The following TNIK variants were observed in gnomAD, a reference collection of about 807,000 sequenced individuals.
The protein encoded by TNIK is TRAF2 and NCK-interacting protein kinase.
In TNIK, 49 loss-of-function variants were observed where a neutral mutation model predicts 191.3. The ratio of observed to expected loss-of-function variants is 0.26; its 90% CI spans 0.20 to 0.32. The LOEUF is 0.32. TNIK is among the 10% of genes least tolerant of loss of function. TNIK has a pLI of 1.00. For synonymous variants in TNIK, 594 were observed against 600.9 expected, an observed-to-expected ratio of 0.99 and a Z score of 0.17; for missense variants, 1,155 against 1,702.3, an observed-to-expected ratio of 0.68 and a Z score of 5.66.
chr3:171,343,150 C>A (rs1380022145), intron 2 of TNIK, among the ~76,000 whole-genome samples: 2 of 152,168 alleles, frequency 1.3e-5, no homozygotes, highest in East Asian at 3.9e-4. Context: ...TAACTCCCCA[C>A]TTCTTAGCTG....
chr3:171,258,093 G>A (rs1174655750), intron 2 of TNIK, among the ~76,000 whole-genome samples: 1 of 152,144 alleles, frequency 6.6e-6, no homozygotes, highest in African/African-American at 2.4e-5. Context: ...GCGATCTCAT[G>A]AAGAATAATG....
intron 2 of TNIK, among the ~76,000 whole-genome samples, chr3:171,273,965 G>C (rs1749427560): frequency 6.6e-6 from 1 of 152,194 alleles, no homozygotes; most frequent in Non-Finnish European, 1.5e-5. Flanking sequence ...ATTAAGCACT[G>C]TCACCCCAAT....
chr3:171,220,433 C>A (rs1473688563), intron 3 of TNIK, among the ~76,000 whole-genome samples: 4 of 152,068 alleles, frequency 2.6e-5, no homozygotes, highest in Non-Finnish European at 5.9e-5. Context: ...CTTCCCAAGT[C>A]ATTAAATAGA....
intron 27 of TNIK, among the ~76,000 whole-genome samples, chr3:171,081,743 A>G (rs1720713086): frequency 6.7e-6 from 1 of 150,014 alleles, no homozygotes; most frequent in African/African-American, 2.5e-5. Flanking sequence ...TCAGAAAGCT[A>G]CAGAGCATAG....
chr3:171,319,520 AAG>A (rs984049116), intron 2 of TNIK, among the ~76,000 whole-genome samples: 2 of 152,160 alleles, frequency 1.3e-5, no homozygotes, highest in African/African-American at 2.4e-5. Context: ...GGGAAAAAAA[AAG>A]AGTTTCAGAG....
intron 2 of TNIK, among the ~76,000 whole-genome samples, chr3:171,367,506 C>T (rs909408546): frequency 6.6e-6 from 1 of 151,916 alleles, no homozygotes; most frequent in Non-Finnish European, 1.5e-5. Context: ...GTCCCACTCT[C>T]TCGCCCAGAC....
intron 2 of TNIK, among the ~76,000 whole-genome samples, chr3:171,264,107 C>CAT (rs1748072550): frequency 1.4e-4 from 8 of 58,274 alleles, no homozygotes; most frequent in African/African-American, 5.1e-4. Flanking sequence ...CACACACACA[C>CAT]ACACATATAT....
At chr3:171,165,325 A>G (rs1396490970) in intron 10 of TNIK, among the ~76,000 whole-genome samples, 4 of 150,558 alleles carry the variant, frequency 2.7e-5, no homozygotes, top group Non-Finnish European at 4.4e-5. Flanking sequence ...GCTCATGCCT[A>G]TAATCCCAGC....
At chr3:171,247,864 C>T (rs192724530) in intron 2 of TNIK, among the ~76,000 whole-genome samples, 7 of 151,540 alleles carry the variant, frequency 4.6e-5, no homozygotes, top group South Asian at 2.1e-4. Context: ...CAGGGACAGA[C>T]ATCAGTTTGT....
rs545393188 is a variant in TNIK, at chr3:171,213,530, G to A, written c.181-2289C>T. On this transcript the variant is annotated intron_variant, in intron 3 of 32. Coordinates refer to ENST00000436636, the MANE Select transcript of TNIK (RefSeq NM_015028.4). ...GGGTGATGTGGGAAAGACAGGGGAGGGGGGGACTGCCTATAAAAAGCTCAC... is the reference window on the plus strand; with the variant it reads ...GGGTGATGTGGGAAAGACAGGGGAGAGGGGGACTGCCTATAAAAAGCTCAC... Among the ~76,000 whole-genome samples, 122 of 151,772 alleles carry A rather than the reference G, an allele frequency of 8.0e-4. 1 individual carries two copies. Among genetic ancestry groups the A allele is most frequent in the Non-Finnish European group, 1.6e-3 (106 of 67,726 alleles).
In TNIK at chr3:171,082,236, A is replaced by G; in HGVS notation, c.3313+15T>C. On this transcript the variant is annotated intron_variant, in intron 27 of 32. Coordinates refer to ENST00000436636, the MANE Select transcript of TNIK (RefSeq NM_015028.4). ...GCTGTATGGACCTGGGGGACTCATC[A>G]TCTTAGTAACATACCTGAAATTGTC... The G allele has an allele frequency of 6.2e-7, 1 of 1,610,338 alleles. No individual in the cohort carries two copies. The highest frequency in any genetic ancestry group is 8.5e-7 in the Non-Finnish European group (1 of 1,178,188).
intron 7 of TNIK, among the ~76,000 whole-genome samples, chr3:171,186,789 C>G (rs1181451260): frequency 2.6e-5 from 4 of 152,204 alleles, no homozygotes; most frequent in African/African-American, 9.6e-5. Context: ...GCATGACGAC[C>G]TCTGTGGCTA....
At chr3:171,387,916 T>G (rs116172471) in intron 1 of TNIK, among the ~76,000 whole-genome samples, 1 of 150,516 alleles carries the variant, frequency 6.6e-6, no homozygotes, top group African/African-American at 2.5e-5. Flanking sequence ...GGTTCAGAAC[T>G]TGGACTCCAA....
intron 2 of TNIK, among the ~76,000 whole-genome samples, chr3:171,231,145 A>T (rs1358469112): frequency 1.3e-5 from 2 of 152,230 alleles, no homozygotes; most frequent in Non-Finnish European, 2.9e-5. Context: ...AGCCCATGGT[A>T]CTGGCTCAAG....
chr3:171,441,735 T>C (rs1726836529), intron 1 of TNIK, among the ~76,000 whole-genome samples: 1 of 152,210 alleles, frequency 6.6e-6, no homozygotes, highest in African/African-American at 2.4e-5. Context: ...AAACTGTTTT[T>C]CAAAGTGGCT....
chr3:171,128,669 T>C (rs774799937), intron 16 of TNIK, 45 bp downstream of exon 16: 3 of 1,565,852 alleles, frequency 1.9e-6, no homozygotes, highest in East Asian at 4.5e-5. Context: ...TAGGTTTTCT[T>C]GTGCAACTTA....
intron 1 of TNIK, among the ~76,000 whole-genome samples, chr3:171,385,769 C>T (rs1286383189): frequency 6.6e-6 from 1 of 152,176 alleles, no homozygotes; most frequent in Non-Finnish European, 1.5e-5. Context: ...AATCCTATCA[C>T]TTATAGGACA....
chr3:171,348,472 C>T (rs1273969565), intron 2 of TNIK, among the ~76,000 whole-genome samples: 2 of 152,010 alleles, frequency 1.3e-5, no homozygotes, highest in African/African-American at 2.4e-5. Flanking sequence ...GGCCAACGAA[C>T]GTATCCATTA....
At chr3:171,069,529 T>C (rs1355624228) in intron 29 of TNIK, among the ~76,000 whole-genome samples, 1 of 152,210 alleles carries the variant, frequency 6.6e-6, no homozygotes, top group Non-Finnish European at 1.5e-5. Flanking sequence ...TTTCTCTTAA[T>C]GTTGGAATCT....
Sources: allele counts gnomAD v4.1 joint callset (sites outside exome capture counted in the v4.1 genomes callset), GRCh38; gene constraint gnomAD v4.1.1; transcripts MANE v1.5; gene names NCBI Gene and HGNC (gene_info 2026-07-23, HGNC 2026-07-21).